The following BEND6 variants were observed in gnomAD, a reference collection of about 807,000 sequenced individuals.
The protein encoded by BEND6 is BEN domain containing 6.
BEND6 carries 24 observed loss-of-function variants against 31.8 expected under a neutral mutation model. That is an observed-to-expected ratio of 0.75 (90% CI 0.55 to 1.06). The LOEUF (loss-of-function observed/expected upper bound fraction) is 1.06. Ranked by LOEUF, BEND6 falls within the 50% of genes least tolerant of loss-of-function variation. The pLI is 0.00. For synonymous variants in BEND6, 109 were observed against 114.6 expected, an observed-to-expected ratio of 0.95 and a Z score of 0.31; for missense variants, 294 against 327.4, an observed-to-expected ratio of 0.90 and a Z score of 0.79.
At chr6:57,016,003 A>T (rs527368018) in intron 4 of BEND6, among the ~76,000 whole-genome samples, 4 of 152,162 alleles carry the variant, frequency 2.6e-5, no homozygotes, top group Non-Finnish European at 5.9e-5. Flanking sequence ...CAGTTTAGAA[A>T]ATTAAAGCAA....
chr6:57,005,115 G>T (rs974978369), intron 3 of BEND6, among the ~76,000 whole-genome samples: 6 of 152,042 alleles, frequency 3.9e-5, no homozygotes, highest in Non-Finnish European at 7.4e-5. Context: ...ACAGAGGACT[G>T]CTGTTTTTCA....
chr6:56,999,331 G>T (rs1306129539), intron 3 of BEND6, among the ~76,000 whole-genome samples: 1 of 152,122 alleles, frequency 6.6e-6, no homozygotes, highest in Non-Finnish European at 1.5e-5. Flanking sequence ...TGGAGCACTT[G>T]CTCAGCTGGT....
intron 3 of BEND6, chr6:57,014,564 C>T: frequency 7.4e-7 from 1 of 1,357,868 alleles, no homozygotes; most frequent in Non-Finnish European, 9.9e-7. Flanking sequence ...AGAAAATATT[C>T]CATTGATTAC....
chr6:56,989,696 G>T (rs1826418982), intron 2 of BEND6, among the ~76,000 whole-genome samples: 1 of 152,088 alleles, frequency 6.6e-6, no homozygotes, highest in Non-Finnish European at 1.5e-5. Context: ...TGTTAATGAG[G>T]TTGAGCATCC....
At chr6:56,958,652 G>A (rs1480923319) in intron 1 of BEND6, among the ~76,000 whole-genome samples, 1 of 152,230 alleles carries the variant, frequency 6.6e-6, no homozygotes, top group Non-Finnish European at 1.5e-5. Context: ...TAGAGGAAAT[G>A]ACTAAGGAAT....
chr6:56,984,626 C>A (rs1276373092), intron 2 of BEND6, among the ~76,000 whole-genome samples: 1 of 152,200 alleles, frequency 6.6e-6, no homozygotes, highest in Non-Finnish European at 1.5e-5. Flanking sequence ...TTCTAAACCA[C>A]AATTTCTTTT....
rs112633673 is a variant in BEND6 at position 57,009,325 on chromosome 6, G to A, written c.299-5808G>A. ...AAAATGATAAATGTTTGCAGTAATA[G>A]ATATGCTAATTACCCTGATCTGACC... On this transcript the variant is annotated intron_variant, in intron 3 of 6. Coordinates refer to ENST00000370746, the MANE Select transcript of BEND6 (RefSeq NM_152731.3). 53 of 152,210 alleles carry A rather than the reference G, an allele frequency of 3.5e-4. 1 individual carries two copies. The highest frequency in any genetic ancestry group is 1.1e-3 in the African/African-American group (47 of 41,542). The allele number at this position is 152,210 out of a possible 1,614,324, so 9.4% of individuals were successfully genotyped here.
chr6:57,023,981 T>A (rs1435056836), intron 6 of BEND6, among the ~76,000 whole-genome samples: 1 of 152,228 alleles, frequency 6.6e-6, no homozygotes, highest in Non-Finnish European at 1.5e-5. Context: ...GTTTTTGCAT[T>A]GTGGTTACTA....
intron 3 of BEND6, among the ~76,000 whole-genome samples, chr6:56,994,081 A>G (rs1157091624): frequency 6.6e-6 from 1 of 152,208 alleles, no homozygotes; most frequent in Non-Finnish European, 1.5e-5. Flanking sequence ...AAGAATACAT[A>G]ATACCCATTT....
chr6:56,958,106 G>A (rs543569196), intron 1 of BEND6, among the ~76,000 whole-genome samples: 1 of 152,276 alleles, frequency 6.6e-6, no homozygotes, highest in South Asian at 2.1e-4. Context: ...AACACCAAAG[G>A]CAAAGGGAAG....
chr6:57,007,363 G>A (rs1015595776), intron 3 of BEND6, among the ~76,000 whole-genome samples: 5 of 150,294 alleles, frequency 3.3e-5, no homozygotes, highest in Admixed American at 1.3e-4. Context: ...CCCACCTCTC[G>A]TCCTATGCAA....
At chr6:56,973,182 C>T (rs1345393335) in intron 1 of BEND6, among the ~76,000 whole-genome samples, 1 of 152,206 alleles carries the variant, frequency 6.6e-6, no homozygotes, top group Non-Finnish European at 1.5e-5. Context: ...GAGCTCTCCA[C>T]ACATTCTGAA....
chr6:57,004,042 C>T (rs1827054128), intron 3 of BEND6, among the ~76,000 whole-genome samples: 1 of 152,112 alleles, frequency 6.6e-6, no homozygotes, highest in African/African-American at 2.4e-5. Context: ...AAATAATGAG[C>T]CACCTATGAC....
chr6:56,989,299 T>C (rs1398764786), intron 2 of BEND6, among the ~76,000 whole-genome samples: 1 of 152,174 alleles, frequency 6.6e-6, no homozygotes, highest in Non-Finnish European at 1.5e-5. Flanking sequence ...ATTTTGGCTA[T>C]AATTTATTCA....
rs1486515855 is a variant in BEND6 at position 57,026,830 on chromosome 6, T to C, written c.*758T>C. On this transcript the variant is annotated 3_prime_UTR_variant, in exon 7 of 7. Coordinates refer to ENST00000370746, the MANE Select transcript of BEND6 (RefSeq NM_152731.3). ...TTTTTGTTTGTTTATTTACCAGACATGTTCTAACTTTGTATTGCCCAAAGT... is the reference window on the plus strand; with the variant it reads ...TTTTTGTTTGTTTATTTACCAGACACGTTCTAACTTTGTATTGCCCAAAGT... The C allele has an allele frequency of 6.6e-6, 1 of 152,244 alleles. No homozygotes were observed. Among genetic ancestry groups the C allele is most frequent in the African/African-American group, 2.4e-5 (1 of 41,464 alleles). The allele number at this position is 152,244 out of a possible 1,614,324, so 9.4% of individuals were successfully genotyped here. A position where few individuals can be genotyped will look rare whatever the true frequency, so the allele number is the denominator to read the frequency against.
At chr6:57,006,501 G>A (rs1329782376) in intron 3 of BEND6, among the ~76,000 whole-genome samples, 1 of 152,230 alleles carries the variant, frequency 6.6e-6, no homozygotes, top group Non-Finnish European at 1.5e-5. Flanking sequence ...TCAACAACGT[G>A]TTGGGAAAAT....
intron 3 of BEND6, among the ~76,000 whole-genome samples, chr6:57,011,147 G>A (rs1419823459): frequency 1.3e-5 from 2 of 152,102 alleles, no homozygotes. Context: ...TTAAATAATT[G>A]TAATTTAAAA....
intron 1 of BEND6, among the ~76,000 whole-genome samples, chr6:56,978,971 A>G (rs1825979410): frequency 1.3e-5 from 2 of 152,264 alleles, no homozygotes; most frequent in South Asian, 2.1e-4. Context: ...TTGATGATGC[A>G]TAAGTAATGT....
chr6:56,975,071 C>T (rs576108166), intron 1 of BEND6, among the ~76,000 whole-genome samples: 1 of 152,046 alleles, frequency 6.6e-6, no homozygotes, highest in Non-Finnish European at 1.5e-5. Flanking sequence ...GAGCTGAGAC[C>T]GAGCCATTGC....
Sources: gnomAD v4.1 joint callset for allele counts (sites outside exome capture counted in the v4.1 genomes callset) on GRCh38, gnomAD v4.1.1 for gene constraint, MANE v1.5 for transcripts, NCBI Gene and HGNC (gene_info 2026-07-23, HGNC 2026-07-21) for gene names.